RSBN1: variants seen among roughly 807,000 people sequenced by gnomAD.
RSBN1 encodes round spermatid basic protein 1.
RSBN1 carries 23 observed loss-of-function variants against 74.8 expected under a neutral mutation model. The ratio of observed to expected loss-of-function variants is 0.31; its 90% CI spans 0.22 to 0.44. RSBN1 has a LOEUF of 0.44. Ranked by LOEUF, RSBN1 falls within the 20% of genes least tolerant of loss-of-function variation. The pLI, the probability that RSBN1 is intolerant of heterozygous loss-of-function variation, is 1.00. For synonymous variants in RSBN1, 407 were observed against 379.6 expected (o/e 1.07, Z -0.84); for missense variants, 808 against 1,020.9 (o/e 0.79, Z 2.84).
At chr1:113,803,939 CAAA>C (rs55787910) in intron 1 of RSBN1, among the ~76,000 whole-genome samples, 1 of 63,486 alleles carries the variant, frequency 1.6e-5, no homozygotes. Context: ...CCCATTTTTA[CAAA>C]AAAAAAAAAA....
At chr1:113,803,381 A>G (rs1660629153) in intron 1 of RSBN1, among the ~76,000 whole-genome samples, 1 of 152,198 alleles carries the variant, frequency 6.6e-6, no homozygotes, top group African/African-American at 2.4e-5. Flanking sequence ...TGACTGCTGG[A>G]TCGTATAGTA....
chr1:113,798,832 C>G (rs1462500059), intron 1 of RSBN1, among the ~76,000 whole-genome samples: 1 of 152,146 alleles, frequency 6.6e-6, no homozygotes, highest in Non-Finnish European at 1.5e-5. Context: ...TAAAACACTA[C>G]TCAGCCATTG....
rs570151471 is a variant in RSBN1, at chr1:113,804,043, C to T, written c.704-6007G>A. On this transcript the variant is annotated intron_variant, in intron 1 of 6. Transcript: ENST00000261441. ...TAGCTACAGGCTGAGGTGGGAGGAT[C>T]GCTTGAGCCCAGGAGTTCGAGGTTA... is the stretch of plus-strand genomic sequence containing the variant. Among the ~76,000 whole-genome samples the T allele has an allele frequency of 2.6e-5, 4 of 151,746 alleles. No individual in the cohort carries two copies. In the East Asian group the frequency reaches 7.8e-4, roughly 30 times the overall value.
At chr1:113,807,409 A>G (rs1349030721) in intron 1 of RSBN1, among the ~76,000 whole-genome samples, 1 of 152,146 alleles carries the variant, frequency 6.6e-6, no homozygotes, top group Non-Finnish European at 1.5e-5. Context: ...TGCAAACCAT[A>G]CAAAGAAGCT....
At chr1:113,778,184 G>C (rs1175773762) in intron 2 of RSBN1, among the ~76,000 whole-genome samples, 2 of 151,788 alleles carry the variant, frequency 1.3e-5, no homozygotes, top group Non-Finnish European at 2.9e-5. Flanking sequence ...AAAGACCATA[G>C]TCATATTAAT....
chr1:113,802,911 G>A (rs1180464005), intron 1 of RSBN1, among the ~76,000 whole-genome samples: 1 of 152,116 alleles, frequency 6.6e-6, no homozygotes, highest in African/African-American at 2.4e-5. Context: ...CATTCTGAGG[G>A]TTTGGATAAA....
intron 2 of RSBN1, among the ~76,000 whole-genome samples, chr1:113,790,508 C>T (rs983802417): frequency 9.9e-5 from 15 of 152,050 alleles, no homozygotes; most frequent in African/African-American, 3.6e-4. Context: ...AAGATGTATA[C>T]AGATAAAGTT....
intron 2 of RSBN1, among the ~76,000 whole-genome samples, chr1:113,789,626 C>G (rs1212628536): frequency 6.6e-6 from 1 of 152,148 alleles, no homozygotes; most frequent in African/African-American, 2.4e-5. Context: ...GTCCTGGGGA[C>G]TGAGCCCTCT....
intron 4 of RSBN1, among the ~76,000 whole-genome samples, chr1:113,775,799 T>C (rs961606250): frequency 6.6e-6 from 1 of 152,234 alleles, no homozygotes; most frequent in African/African-American, 2.4e-5. Flanking sequence ...AAAACTGCTA[T>C]AATCTAGCAA....
In RSBN1 at chr1:113,798,003, G is replaced by A. The variant is rs1199522278; in HGVS notation, c.737C>T (p.Ala246Val). 6.8e-6 allele frequency: 11 copies of A among 1,608,308 alleles called. No homozygotes were observed. Among genetic ancestry groups the A allele is most frequent in the Non-Finnish European group, 9.3e-6 (11 of 1,178,498 alleles). Reference protein sequence around the residue: ...TPDENGKTQRADDFVLKKIKK... With the variant: ...TPDENGKTQRVDDFVLKKIKK... ...TATTTTCTTCAAGACAAAATCATCG[G>A]CTCTCTGGGTTTTACCATTTTCATC... The change falls in exon 2 of 7, where the codon GCC becomes GTC. Residue 246 changes from alanine to valine, a missense_variant. By Grantham distance (64) the Ala-to-Val change is moderately conservative (BLOSUM62 0). Transcript: ENST00000261441.
chr1:113,768,147 C>G, intron 5 of RSBN1, 75 bp downstream of exon 5: 1 of 1,313,998 alleles, frequency 7.6e-7, no homozygotes, highest in Non-Finnish European at 1.0e-6. Context: ...AAAACTGGTC[C>G]TAAACCTTTT....
chr1:113,766,491 T>C (rs947174576), intron 6 of RSBN1, 38 bp from the exon 7 acceptor site: 2 of 1,320,200 alleles, frequency 1.5e-6, no homozygotes, highest in Non-Finnish European at 2.1e-6. Flanking sequence ...CTTTAAAATA[T>C]GTAATAATTT....
At chr1:113,801,402 T>C (rs1382775798) in intron 1 of RSBN1, among the ~76,000 whole-genome samples, 1 of 152,220 alleles carries the variant, frequency 6.6e-6, no homozygotes, top group South Asian at 2.1e-4. Flanking sequence ...AAACAAAATT[T>C]ATTATTGAAT....
At chr1:113,810,536 C>T (rs769049903) in intron 1 of RSBN1, among the ~76,000 whole-genome samples, 4 of 152,032 alleles carry the variant, frequency 2.6e-5, no homozygotes, top group Non-Finnish European at 5.9e-5. Flanking sequence ...GATTTGGATG[C>T]CACCAAATGA....
In RSBN1 at chr1:113,812,262, C is replaced by T. The variant is rs748729063; in HGVS notation, c.151G>A (p.Ala51Thr). The change falls in exon 1 of 7, where the codon GCG becomes ACG. Residue 51 changes from alanine (A) to threonine (T), a missense_variant. Physicochemically the swap from Ala to Thr is moderately conservative, Grantham distance 58. Around this residue, in one of 6 missense-constraint regions of RSBN1, gnomAD observed 464 missense variants for 401.0 expected, o/e 1.16. Coordinates refer to ENST00000261441, the MANE Select transcript of RSBN1 (RefSeq NM_018364.5). ...FKCVFVGEMA[A>T]QVGAVRVVRA... ...ACTACGCGCACCGCTCCGACCTGCG[C>T]AGCCATTTCACCCACAAACACACAT... The T allele has an allele frequency of 6.2e-7, 1 of 1,605,912 alleles. No individual in the cohort carries two copies. The highest frequency in any genetic ancestry group is 8.5e-7 in the Non-Finnish European group (1 of 1,179,864).
intron 1 of RSBN1, among the ~76,000 whole-genome samples, chr1:113,810,384 AACACACACACACAC>A (rs113663525): frequency 6.8e-6 from 1 of 146,730 alleles, no homozygotes; most frequent in East Asian, 2.0e-4. Flanking sequence ...GTACAGTTAA[AACACACACACACAC>A]ACACACACAC....
At chr1:113,779,416 T>A (rs1269638661) in intron 2 of RSBN1, among the ~76,000 whole-genome samples, 3 of 152,178 alleles carry the variant, frequency 2.0e-5, no homozygotes, top group African/African-American at 2.4e-5. Flanking sequence ...AGGGATTTTT[T>A]AATTCCTTAC....
At chr1:113,806,989 G>A (rs763626679) in intron 1 of RSBN1, among the ~76,000 whole-genome samples, 3 of 151,772 alleles carry the variant, frequency 2.0e-5, no homozygotes, top group Non-Finnish European at 4.4e-5. Flanking sequence ...CTGCAGCCTG[G>A]GTAACTGAGT....
intron 1 of RSBN1, among the ~76,000 whole-genome samples, chr1:113,809,674 A>C (rs1340906158): frequency 6.6e-6 from 1 of 152,212 alleles, no homozygotes; most frequent in Non-Finnish European, 1.5e-5. Flanking sequence ...CTCTCAGCCA[A>C]AAGTTAAAAT....
Sources: allele counts gnomAD v4.1 joint callset (sites outside exome capture counted in the v4.1 genomes callset), GRCh38; gene constraint gnomAD v4.1.1; regional missense constraint gnomAD v4.1.1; transcripts MANE v1.5; gene names NCBI Gene and HGNC (gene_info 2026-07-23, HGNC 2026-07-21).